BCL11A: variants seen among roughly 807,000 people sequenced by gnomAD.
BCL11A encodes BCL11 transcription factor A, also known as B cell CLL/lymphoma 11A.
BCL11A carries 2 observed loss-of-function variants against 55.9 expected under a neutral mutation model. The observed-to-expected ratio is 0.04, with a 90% CI of 0.01 to 0.11. The LOEUF is 0.11. Ranked by LOEUF, BCL11A falls within the 10% of genes least tolerant of loss-of-function variation. BCL11A has a pLI of 1.00. For missense variants in BCL11A, 817 were observed against 1,137.1 expected, an observed-to-expected ratio of 0.72 and a Z score of 4.05; for synonymous variants, 465 against 473.4, an observed-to-expected ratio of 0.98 and a Z score of 0.23.
chr2:60,507,869 G>A (rs1037514931), intron 2 of BCL11A, among the ~76,000 whole-genome samples: 2 of 152,224 alleles, frequency 1.3e-5, no homozygotes, highest in South Asian at 4.1e-4. Flanking sequence ...ACAAAGGACA[G>A]CATACTATGG....
chr2:60,477,700 G>A (rs1677696831), intron 2 of BCL11A, among the ~76,000 whole-genome samples: 1 of 152,234 alleles, frequency 6.6e-6, no homozygotes, highest in Non-Finnish European at 1.5e-5. Context: ...GGGCAGTGGT[G>A]CTGTGAGAGA....
Position 60,460,199 on chromosome 2 carries a change from AAAAG to A in BCL11A, c.*201_*204del. ...AAAAAAAAAGGAAAAAGAAAAAAGA[AAAAG>A]AAAAAGAAAAAAAACAGGTGTGCTG... is the stretch of plus-strand genomic sequence containing the variant. On this transcript the variant is annotated 3_prime_UTR_variant, in exon 4 of 4. Coordinates refer to ENST00000642384, the MANE Select transcript of BCL11A (RefSeq NM_022893.4). 2.3e-6 allele frequency: 3 copies of A among 1,311,376 alleles called. No individual in the cohort carries two copies. The highest frequency in any genetic ancestry group is 2.9e-6 in the Non-Finnish European group (3 of 1,034,084). The allele number at this position is 1,311,376 out of a possible 1,614,324, so 81.2% of individuals were successfully genotyped here.
chr2:60,548,063 TC>T (rs1670232089), intron 1 of BCL11A, among the ~76,000 whole-genome samples: 1 of 152,218 alleles, frequency 6.6e-6, no homozygotes, highest in South Asian at 2.1e-4. Flanking sequence ...CAGAAGTGCC[TC>T]TGCATTGTGC....
intron 2 of BCL11A, among the ~76,000 whole-genome samples, chr2:60,496,402 G>A (rs1052465909): frequency 3.3e-5 from 5 of 152,214 alleles, no homozygotes; most frequent in East Asian, 1.9e-4. Context: ...TTCCCAGGCA[G>A]AGACAGAGCA....
In BCL11A at chr2:60,458,755, T is replaced by C; in HGVS notation, c.*1649A>G. On this transcript the variant is annotated 3_prime_UTR_variant, in exon 4 of 4. Coordinates refer to ENST00000642384, the MANE Select transcript of BCL11A (RefSeq NM_022893.4). ...GTCCTATCTGAGCAGGTTTATTTTA[T>C]ACTCAACCTCTGTATCTCTGATTAG... The C allele has an allele frequency of 9.7e-7, 1 of 1,033,470 alleles. No homozygotes were observed. Among genetic ancestry groups the C allele is most frequent in the Non-Finnish European group, 1.2e-6 (1 of 858,274 alleles). 64.0% of individuals were successfully genotyped at this position (1,033,470 alleles called of 1,614,324 possible).
chr2:60,539,705 C>T (rs948951160), intron 2 of BCL11A, among the ~76,000 whole-genome samples: 2 of 152,106 alleles, frequency 1.3e-5, no homozygotes, highest in African/African-American at 4.8e-5. Context: ...TCTCTAGGAG[C>T]ACATGTAGAG....
intron 1 of BCL11A, among the ~76,000 whole-genome samples, chr2:60,550,688 A>AG (rs1433091297): frequency 6.6e-6 from 1 of 152,042 alleles, no homozygotes; most frequent in African/African-American, 2.4e-5. Flanking sequence ...GGACAGGAGG[A>AG]GGGGGTACTA....
At chr2:60,539,636 T>C (rs186180365) in intron 2 of BCL11A, among the ~76,000 whole-genome samples, 1 of 152,230 alleles carries the variant, frequency 6.6e-6, no homozygotes, top group Non-Finnish European at 1.5e-5. Context: ...GCATCAAGTA[T>C]ACTGGCTTTA....
chr2:60,514,851 A>C (rs182134637), intron 2 of BCL11A, among the ~76,000 whole-genome samples: 1 of 149,466 alleles, frequency 6.7e-6, no homozygotes, highest in South Asian at 2.1e-4. Flanking sequence ...TCTTGCATAC[A>C]CATACACTAA....
intron 2 of BCL11A, among the ~76,000 whole-genome samples, chr2:60,507,424 C>G (rs1416050489): frequency 6.7e-6 from 1 of 149,760 alleles, no homozygotes; most frequent in Non-Finnish European, 1.5e-5. Context: ...AGCTAGAAAA[C>G]TGTGTCCAAA....
Position 60,464,983 on chromosome 2 carries a change from G to A in BCL11A, c.488-2559C>T, listed in dbSNP as rs143351662. The stretch of plus-strand genomic sequence containing the variant: ...ATTCTAGATCATGAGGGCAGCTAGT[G>A]TAATCATAATGTCAATGAGAAGGGC... On this transcript the variant is annotated intron_variant, in intron 3 of 3. Transcript: ENST00000642384. Among the ~76,000 whole-genome samples, 356 of 152,302 alleles carry A rather than the reference G, an allele frequency of 2.3e-3. 4 individuals are homozygous for A. The highest frequency in any genetic ancestry group is 1.0e-3 in the South Asian group (5 of 4,830).
chr2:60,461,586 G>A lies in BCL11A; in HGVS notation c.1326C>T (p.Leu442=), dbSNP rs750389137. The A allele has an allele frequency of 2.5e-6, 4 of 1,612,872 alleles. No homozygotes were observed. The highest frequency in any genetic ancestry group is 1.1e-5 in the South Asian group (1 of 91,090). Residue 442 remains leucine (L), a synonymous_variant, in exon 4 of 4, where the codon CTC becomes CTT. Transcript: ENST00000642384. The part of the protein sequence containing the change: ...SPMTVKSDDG[L]STASSPEPGT... Reference sequence around the variant, plus strand: ...CGGGTTCCGGGGAGCTGGCGGTGGAGAGACCGTCGTCGGACTTGACCGTCA... The same window carrying A: ...CGGGTTCCGGGGAGCTGGCGGTGGAAAGACCGTCGTCGGACTTGACCGTCA...
intron 2 of BCL11A, among the ~76,000 whole-genome samples, chr2:60,502,033 T>A (rs555920030): frequency 6.6e-6 from 1 of 152,150 alleles, no homozygotes; most frequent in Non-Finnish European, 1.5e-5. Context: ...CTAACAGAGC[T>A]TCAGGGAGGA....
chr2:60,514,554 G>A (rs967362892), intron 2 of BCL11A, among the ~76,000 whole-genome samples: 7 of 149,620 alleles, frequency 4.7e-5, no homozygotes, highest in Non-Finnish European at 1.0e-4. Flanking sequence ...TATAATCCCA[G>A]CTACTTGGGA....
intron 2 of BCL11A, among the ~76,000 whole-genome samples, chr2:60,513,554 T>C (rs553854291): frequency 3.9e-5 from 6 of 152,326 alleles, no homozygotes; most frequent in African/African-American, 1.4e-4. Flanking sequence ...CTTCATGTCC[T>C]GTCTGGATCT....
At chr2:60,520,146 C>T (rs535171360) in intron 2 of BCL11A, among the ~76,000 whole-genome samples, 137 of 152,078 alleles carry the variant, frequency 9.0e-4, no homozygotes, top group Non-Finnish European at 3.7e-4. Flanking sequence ...ATATACCTTG[C>T]GTGGCAAGGT....
chr2:60,534,734 T>C (rs958970254), intron 2 of BCL11A: 1 of 152,246 alleles, frequency 6.6e-6, no homozygotes, highest in Non-Finnish European at 1.5e-5. Context: ...AGATGCATCA[T>C]TTTGCTCCTT....
At chr2:60,500,953 T>C (rs938002073) in intron 2 of BCL11A, among the ~76,000 whole-genome samples, 2 of 152,172 alleles carry the variant, frequency 1.3e-5, no homozygotes, top group African/African-American at 4.8e-5. Flanking sequence ...GAAGCAAGCC[T>C]AGCTGGGTGG....
intron 2 of BCL11A, chr2:60,524,561 G>A (rs76873822): frequency 1.6e-5 from 1 of 61,638 alleles, no homozygotes; most frequent in Admixed American, 1.2e-4. Flanking sequence ...GATTACCAGT[G>A]CCCTTACAGA....
Sources: allele counts gnomAD v4.1 joint callset (sites outside exome capture counted in the v4.1 genomes callset), GRCh38; gene constraint gnomAD v4.1.1; transcripts MANE v1.5; gene names NCBI Gene and HGNC (gene_info 2026-07-23, HGNC 2026-07-21).